Variants in MYOM1 observed in about 807,000 individuals in gnomAD.
MYOM1 encodes the protein myomesin 1.
In MYOM1, 164 loss-of-function variants were observed where a neutral mutation model predicts 205.3. That is an observed-to-expected ratio of 0.80 (90% CI 0.70 to 0.91). The LOEUF (loss-of-function observed/expected upper bound fraction) is 0.91, where lower values mean the gene tolerates loss of function less well. Among genes scored for constraint, MYOM1 ranks in the 40% least tolerant of loss-of-function variants. MYOM1 has a pLI of 0.00. For missense variants in MYOM1, 2,011 were observed against 2,127.3 expected (o/e 0.95, Z 1.08); for synonymous variants, 772 against 789.4 (o/e 0.98, Z 0.37).
chr18:3,146,302 C>T (rs2143961878), intron 13 of MYOM1, among the ~76,000 whole-genome samples: 1 of 152,146 alleles, frequency 6.6e-6, no homozygotes, highest in African/African-American at 2.4e-5. Flanking sequence ...CTGGGAAAAA[C>T]CACAGACCAA....
At chr18:3,183,006 C>T (rs955819765) in intron 5 of MYOM1, among the ~76,000 whole-genome samples, 4 of 150,564 alleles carry the variant, frequency 2.7e-5, no homozygotes, top group Admixed American at 6.6e-5. Context: ...CTCAGCTCAC[C>T]GCAACCTCCG....
At chr18:3,231,732 C>T in the MYOM1 span, among the ~76,000 whole-genome samples, 2 of 151,102 alleles carry the variant, frequency 1.3e-5, no homozygotes, top group African/African-American at 2.4e-5. Context: ...TTAGTAGAGA[C>T]GGGGTTTCAC....
intron 6 of MYOM1, 43 bp from the exon 7 acceptor site, chr18:3,174,251 C>T (rs1445367540): frequency 1.3e-6 from 2 of 1,532,348 alleles, no homozygotes; most frequent in Non-Finnish European, 1.8e-6. Flanking sequence ...TAGTGACAAT[C>T]CTTGTAATTA....
At chr18:3,077,849 G>A (rs144889880) in intron 34 of MYOM1, among the ~76,000 whole-genome samples, 4 of 152,156 alleles carry the variant, frequency 2.6e-5, no homozygotes, top group Non-Finnish European at 4.4e-5. Flanking sequence ...TAGAAAGTCC[G>A]CGTCCCTCTG....
chr18:3,072,556 G>C (rs1338574456), intron 36 of MYOM1, among the ~76,000 whole-genome samples: 20 of 151,084 alleles, frequency 1.3e-4, no homozygotes, highest in African/African-American at 4.6e-4. Flanking sequence ...ATTTCACCAT[G>C]TTGGCCAGGT....
At chr18:3,149,107 ACAT>A (rs1191810073) in intron 13 of MYOM1, 35 bp downstream of exon 13, 1 of 1,589,446 alleles carries the variant, frequency 6.3e-7, no homozygotes, top group Non-Finnish European at 8.6e-7. Flanking sequence ...GCTTAGCAAA[ACAT>A]CAGCAATAGT....
In MYOM1 at chr18:3,158,860, C is replaced by T. The variant is rs1179677986; in HGVS notation, c.1502-3772G>A. ...AACTCCTGGGCTCAAGTGATCCTCC[C>T]ACCTGGGCCTCCCAAAGTGCTGGGA... On this transcript the variant is annotated intron_variant, in intron 10 of 37. Coordinates refer to ENST00000356443, the MANE Select transcript of MYOM1 (RefSeq NM_003803.4). Among the ~76,000 whole-genome samples the T allele has an allele frequency of 2.6e-5, 4 of 152,166 alleles. No homozygotes were observed. The East Asian group carries it at 7.7e-4, about 29-fold the overall frequency.
At chr18:3,150,850 T>G (rs1278368022) in intron 12 of MYOM1, among the ~76,000 whole-genome samples, 1 of 152,124 alleles carries the variant, frequency 6.6e-6, no homozygotes, top group Non-Finnish European at 1.5e-5. Context: ...GGTCTTGCTC[T>G]GTTGCCCAGG....
At chr18:3,194,152 G>A (rs1337486650) in intron 2 of MYOM1, among the ~76,000 whole-genome samples, 194 bp from the exon 3 acceptor site, 6 of 152,164 alleles carry the variant, frequency 3.9e-5, no homozygotes, top group African/African-American at 1.4e-4. Context: ...AGACAGAAAA[G>A]AAAAATAGTG....
chr18:3,177,384 T>C (rs7505636), intron 5 of MYOM1, among the ~76,000 whole-genome samples: 13,121 of 151,588 alleles, frequency 0.087, 722 homozygotes, highest in African/African-American at 0.15. Context: ...TGGCTATCTG[T>C]GTAGGATGAG....
rs2081308742 is a variant in MYOM1 at position 3,219,640 on chromosome 18, C to A, written c.-29+163G>T. Among the ~76,000 whole-genome samples, 1 of 152,204 alleles carries A rather than the reference C, an allele frequency of 6.6e-6. No individual in the cohort carries two copies. On this transcript the variant is annotated intron_variant, in intron 1 of 37. Coordinates refer to ENST00000356443, the MANE Select transcript of MYOM1 (RefSeq NM_003803.4). The surrounding 1 kb of genome is among the most constrained non-coding windows in gnomAD (Gnocchi z 4.4). ...CCAGCCCGACTGGCACCCGGCTGTT[C>A]TGGTTTCCCTCCCTGGAGCTTCACT...
rs1309360044 is a variant in MYOM1, at chr18:3,116,372, G to A, written c.3262C>T (p.Arg1088Ter). The stretch of plus-strand genomic sequence containing the variant: ...TTAATAGCCGCCTCATTGAGCCCTC[G>A]CCACTGGTCTTCTTTGGCCTTGGCC... ...KEAKAKEDQW[R>*]GLNEAAIKNV... The change falls in exon 21 of 38, where the codon CGA becomes TGA. Residue 1088 changes from arginine (R) to a stop codon, truncating the protein, a stop_gained. Coordinates refer to ENST00000356443, the MANE Select transcript of MYOM1 (RefSeq NM_003803.4). LOFTEE classifies it high-confidence loss of function. 5 of 1,612,574 alleles carry A rather than the reference G, an allele frequency of 3.1e-6. No individual in the cohort carries two copies. Among genetic ancestry groups the A allele is most frequent in the Non-Finnish European group, 4.2e-6 (5 of 1,179,758 alleles).
intron 9 of MYOM1, among the ~76,000 whole-genome samples, chr18:3,165,386 T>C (rs1427498502): frequency 1.3e-5 from 2 of 152,224 alleles, no homozygotes; most frequent in Non-Finnish European, 2.9e-5. Context: ...TCAGGATGCC[T>C]GTTTATGTAT....
chr18:3,110,742 T>C (rs1009126680), intron 22 of MYOM1, among the ~76,000 whole-genome samples: 1 of 960 alleles, frequency 1.0e-3, no homozygotes, highest in Non-Finnish European at 2.0e-3. Flanking sequence ...TTTTTTTTCT[T>C]TTTTTTTTTT....
At chr18:3,142,708 A>G (rs1323875674) in intron 13 of MYOM1, among the ~76,000 whole-genome samples, 2 of 152,178 alleles carry the variant, frequency 1.3e-5, no homozygotes, top group East Asian at 1.9e-4. Flanking sequence ...GAAGTCCCAG[A>G]GCATCTAGAG....
Position 3,083,789 on chromosome 18 carries a change from T to C in MYOM1, c.4484A>G (p.Asn1495Ser), listed in dbSNP as rs1283560807. ...VEDLKVNWSH[N>S]GSAIRYSDRV... Reference sequence around the variant, plus strand: ...AGCAAGTAAGTTCTCATTTACTTACTTGTGGGACCAGTTAACTTTCAAATC... The same window carrying C: ...AGCAAGTAAGTTCTCATTTACTTACCTGTGGGACCAGTTAACTTTCAAATC... The change falls in exon 33 of 38, where the codon AAT (asparagine) becomes AGT (serine). Residue 1495 changes from asparagine (N) to serine (S), a missense_variant and splice_region_variant. Transcript: ENST00000356443. 7 of 1,563,200 alleles carry C rather than the reference T, an allele frequency of 4.5e-6. No homozygotes were observed. Among genetic ancestry groups the C allele is most frequent in the Non-Finnish European group, 6.1e-6 (7 of 1,152,462 alleles).
At chr18:3,126,559 A>C (rs1044687446) in intron 19 of MYOM1, 142 bp downstream of exon 19, 1 of 693,384 alleles carries the variant, frequency 1.4e-6, no homozygotes, top group African/African-American at 1.8e-5. Context: ...TATATTTTTC[A>C]CAAGACTCAT....
intron 9 of MYOM1, among the ~76,000 whole-genome samples, chr18:3,165,043 G>A (rs893136306): frequency 2.6e-5 from 4 of 152,146 alleles, no homozygotes; most frequent in Non-Finnish European, 4.4e-5. Context: ...TTCTGCTGAT[G>A]TAACTGTTAC....
At chr18:3,237,015 G>A in the MYOM1 span, among the ~76,000 whole-genome samples, 3 of 152,178 alleles carry the variant, frequency 2.0e-5, no homozygotes, top group African/African-American at 7.2e-5. Flanking sequence ...CTGTGAATTG[G>A]CTATGAGGAT....
Sources: gnomAD v4.1 joint callset for allele counts (sites outside exome capture counted in the v4.1 genomes callset) on GRCh38, gnomAD v4.1.1 for gene constraint, Gnocchi (gnomAD v3.1) non-coding constraint, MANE v1.5 for transcripts, NCBI Gene and HGNC (gene_info 2026-07-23, HGNC 2026-07-21) for gene names.